TDRD5: variants seen among roughly 807,000 people sequenced by gnomAD.
TDRD5 encodes the protein tudor domain containing 5.
In TDRD5, 41 loss-of-function variants were observed where a neutral mutation model predicts 120.6. The ratio of observed to expected loss-of-function variants is 0.34; its 90% CI spans 0.26 to 0.44. The LOEUF (loss-of-function observed/expected upper bound fraction) is 0.44. TDRD5 is among the 20% of genes least tolerant of loss of function. The pLI, the probability that TDRD5 is intolerant of heterozygous loss-of-function variation, is 1.00. For synonymous variants in TDRD5, 430 were observed against 433.7 expected (o/e 0.99, Z 0.11); for missense variants, 1,006 against 1,221.2 (o/e 0.82, Z 2.63).
intron 6 of TDRD5, among the ~76,000 whole-genome samples, chr1:179,625,626 T>A (rs1677082231): frequency 6.6e-6 from 1 of 152,218 alleles, no homozygotes; most frequent in Admixed American, 6.5e-5. Flanking sequence ...AGTGTGTATT[T>A]ATCCTTTGAC....
At chr1:179,689,173 T>A (rs1294316933) in intron 17 of TDRD5, among the ~76,000 whole-genome samples, 1 of 152,204 alleles carries the variant, frequency 6.6e-6, no homozygotes, top group Non-Finnish European at 1.5e-5. Context: ...TTTCTCCCCA[T>A]CTTTGTAGTT....
chr1:179,612,860 C>G (rs1289405363), intron 4 of TDRD5, among the ~76,000 whole-genome samples: 1 of 149,122 alleles, frequency 6.7e-6, no homozygotes, highest in East Asian at 2.0e-4. Flanking sequence ...CTCTTGAACC[C>G]AGGAGGCAGA....
chr1:179,664,807 T>C (rs1001299835), intron 16 of TDRD5, among the ~76,000 whole-genome samples: 1 of 152,172 alleles, frequency 6.6e-6, no homozygotes, highest in Admixed American at 6.5e-5. Context: ...TTCTTAGATA[T>C]ATAACTAGGA....
chr1:179,625,252 A>T (rs949793104), intron 6 of TDRD5, among the ~76,000 whole-genome samples: 6 of 152,178 alleles, frequency 3.9e-5, no homozygotes, highest in Non-Finnish European at 8.8e-5. Context: ...ATTAAAATAT[A>T]TTAATGACCT....
chr1:179,627,713 A>G (rs1677204644), intron 6 of TDRD5, among the ~76,000 whole-genome samples: 1 of 152,188 alleles, frequency 6.6e-6, no homozygotes. Flanking sequence ...GAAGCCTATC[A>G]AATATATTTA....
intron 4 of TDRD5, among the ~76,000 whole-genome samples, chr1:179,599,844 G>C (rs1192080812): frequency 1.2e-4 from 18 of 152,160 alleles, no homozygotes; most frequent in Admixed American, 1.2e-3. Flanking sequence ...GCCACCTGGT[G>C]GTGATGTAGC....
At chr1:179,606,473 A>G (rs1214174102) in intron 4 of TDRD5, among the ~76,000 whole-genome samples, 1 of 152,160 alleles carries the variant, frequency 6.6e-6, no homozygotes. Flanking sequence ...TCTTTCATGT[A>G]TTGTGCCTTT....
intron 11 of TDRD5, among the ~76,000 whole-genome samples, chr1:179,645,132 C>A (rs1678279105): frequency 8.0e-6 from 1 of 124,448 alleles, no homozygotes; most frequent in South Asian, 2.6e-4. Flanking sequence ...GTCGCCCAGG[C>A]TGGAGTGCAG....
chr1:179,600,488 G>A (rs898741028), intron 4 of TDRD5, among the ~76,000 whole-genome samples: 3 of 152,076 alleles, frequency 2.0e-5, no homozygotes, highest in Non-Finnish European at 2.9e-5. Flanking sequence ...TCTGTGTTAC[G>A]TACATTCTAT....
intron 11 of TDRD5, among the ~76,000 whole-genome samples, chr1:179,644,047 G>T (rs1678205251): frequency 6.6e-6 from 1 of 152,076 alleles, no homozygotes; most frequent in South Asian, 2.1e-4. Context: ...AGTCAAGCTG[G>T]AATTCTATAT....
intron 14 of TDRD5, among the ~76,000 whole-genome samples, chr1:179,657,521 G>A (rs6425585): frequency 0.39 from 59,312 of 151,884 alleles, 11,955 homozygotes; most frequent in Admixed American, 0.45. Flanking sequence ...TGTTGTCTGC[G>A]TTAGTACATG....
intron 4 of TDRD5, among the ~76,000 whole-genome samples, chr1:179,611,176 C>T (rs997168394): frequency 1.3e-5 from 2 of 151,936 alleles, no homozygotes; most frequent in Non-Finnish European, 2.9e-5. Context: ...CTCAGCCATC[C>T]AAGTAGCTGG....
intron 4 of TDRD5, among the ~76,000 whole-genome samples, chr1:179,617,618 A>G (rs1676628100): frequency 6.6e-6 from 1 of 151,822 alleles, no homozygotes; most frequent in South Asian, 2.1e-4. Flanking sequence ...TATCTTTGTG[A>G]CTTAACTTTT....
chr1:179,640,440 G>A lies in TDRD5; in HGVS notation c.1795G>A (p.Val599Ile), dbSNP rs780677767. 1.3e-4 allele frequency: 214 copies of A among 1,614,116 alleles called. No individual in the cohort carries two copies. In the Middle Eastern group the frequency reaches 1.6e-3, roughly 12 times the overall value. The change falls in exon 11 of 18, where the codon GTA becomes ATA. Residue 599 changes from valine to isoleucine, a missense_variant. By Grantham distance (29) the Val-to-Ile change is conservative (BLOSUM62 3). Around this residue, in one of 3 missense-constraint regions of TDRD5, gnomAD observed 158 missense variants for 257.5 expected, o/e 0.61. Transcript: ENST00000444136. ...IPCSLAWVRP[V>I]EEHWTSKAIL... ...TTGTTCTTTGGCTTGGGTGAGACCA[G>A]TAGAGGTATGTTTGCTTGTCTCCCA...
chr1:179,632,142 G>A (rs539225092), intron 7 of TDRD5, among the ~76,000 whole-genome samples: 4 of 151,912 alleles, frequency 2.6e-5, no homozygotes, highest in Admixed American at 1.3e-4. Context: ...TCCTGACCTC[G>A]TGATCCACCC....
At chr1:179,677,685 A>G (rs1205961989) in intron 17 of TDRD5, among the ~76,000 whole-genome samples, 1 of 152,134 alleles carries the variant, frequency 6.6e-6, no homozygotes, top group African/African-American at 2.4e-5. Flanking sequence ...AGAGTCTGCA[A>G]AGAGTCTTGT....
At chr1:179,670,005 G>A (rs1177051655) in intron 17 of TDRD5, among the ~76,000 whole-genome samples, 1 of 152,194 alleles carries the variant, frequency 6.6e-6, no homozygotes, top group Admixed American at 6.5e-5. Context: ...GGACACCTAT[G>A]TTGTTTCCAG....
At chr1:179,616,371 A>T (rs922606625) in intron 4 of TDRD5, among the ~76,000 whole-genome samples, 4 of 151,908 alleles carry the variant, frequency 2.6e-5, no homozygotes, top group Non-Finnish European at 4.4e-5. Flanking sequence ...TGTCTTTCCT[A>T]ATTTCTCTGG....
chr1:179,619,104 T>C (rs1676712155), intron 5 of TDRD5, among the ~76,000 whole-genome samples: 1 of 152,172 alleles, frequency 6.6e-6, no homozygotes, highest in South Asian at 2.1e-4. Context: ...GAAAAAGTTC[T>C]CCAGTTAATG....
Sources: gnomAD v4.1 joint callset for allele counts (sites outside exome capture counted in the v4.1 genomes callset) on GRCh38, gnomAD v4.1.1 for gene constraint, gnomAD v4.1.1 regional missense constraint, MANE v1.5 for transcripts, NCBI Gene and HGNC (gene_info 2026-07-23, HGNC 2026-07-21) for gene names.